The following PHF14 variants were observed in gnomAD, a reference collection of about 807,000 sequenced individuals.
The protein encoded by PHF14 is PHD finger protein 14.
PHF14 carries 55 observed loss-of-function variants against 117.9 expected under a neutral mutation model. The ratio of observed to expected loss-of-function variants is 0.47; its 90% CI spans 0.38 to 0.58. The LOEUF (loss-of-function observed/expected upper bound fraction) is 0.58, where lower values mean the gene tolerates loss of function less well. Among genes scored for constraint, PHF14 ranks in the 20% least tolerant of loss-of-function variants. The pLI is 0.00. For synonymous variants in PHF14, 409 were observed against 368.6 expected, an observed-to-expected ratio of 1.11 and a Z score of -1.26; for missense variants, 978 against 1,122.2, an observed-to-expected ratio of 0.87 and a Z score of 1.84.
At chr7:11,039,296 C>T (rs1287618831) in intron 11 of PHF14, among the ~76,000 whole-genome samples, 1 of 151,036 alleles carries the variant, frequency 6.6e-6, no homozygotes, top group Non-Finnish European at 1.5e-5. Flanking sequence ...TAGAGATATT[C>T]ATTTTTATGT....
chr7:11,012,941 G>A (rs1783403016), intron 4 of PHF14, among the ~76,000 whole-genome samples: 1 of 152,028 alleles, frequency 6.6e-6, no homozygotes. Flanking sequence ...TATAGCTTTA[G>A]GTGCATAACT....
In PHF14 at chr7:11,035,654, A is replaced by C; in HGVS notation, c.1470A>C (p.Pro490=). The C allele has an allele frequency of 6.2e-7, 1 of 1,609,522 alleles. No individual in the cohort carries two copies. The highest frequency in any genetic ancestry group is 2.2e-5 in the East Asian group (1 of 44,772). Residue 490 remains proline, a synonymous_variant, in exon 8 of 18, where the codon CCA becomes CCC. Transcript: ENST00000634607. ...TCTTTGTATAGGATATAGCAGATCC[A>C]TTCTTTGCTTATTGTAAGCAACATG... ...EAAAEEDIAD[P]FFAYCKQHAD... is the part of the protein sequence containing the mutation.
At chr7:11,166,928 A>C (rs1789218470) in intron 17 of PHF14, among the ~76,000 whole-genome samples, 1 of 152,206 alleles carries the variant, frequency 6.6e-6, no homozygotes, top group Non-Finnish European at 1.5e-5. Flanking sequence ...AGAAAAATTC[A>C]ACAACAAAAA....
At chr7:11,137,557 C>T (rs922101943) in intron 17 of PHF14, among the ~76,000 whole-genome samples, 1 of 145,622 alleles carries the variant, frequency 6.9e-6, no homozygotes, top group Admixed American at 6.8e-5. Flanking sequence ...TAAAGTTAAA[C>T]ATTAATCACT....
At chr7:11,067,690 C>A (rs892624401) in intron 16 of PHF14, among the ~76,000 whole-genome samples, 1 of 152,090 alleles carries the variant, frequency 6.6e-6, no homozygotes, top group African/African-American at 2.4e-5. Context: ...TTATTTGGCT[C>A]ACAATTCTCA....
rs749842219 is a variant in PHF14, at chr7:11,036,702, C to T, written c.1873+14C>T. 15 of 1,601,102 alleles carry T rather than the reference C, an allele frequency of 9.4e-6. No homozygotes were observed. The Admixed American group carries it at 1.5e-4, about 16-fold the overall frequency. On this transcript the variant is annotated intron_variant, in intron 9 of 17. Coordinates refer to ENST00000634607, the MANE Select transcript of PHF14 (RefSeq NM_001007157.2). ...ATTATTATTTTGGTCAGTATAGACACTGGTACATGCACATTTTCACTGAGA... is the reference window on the plus strand; with the variant it reads ...ATTATTATTTTGGTCAGTATAGACATTGGTACATGCACATTTTCACTGAGA...
At chr7:11,093,548 TC>T (rs2128339387) in intron 16 of PHF14, among the ~76,000 whole-genome samples, 1 of 152,322 alleles carries the variant, frequency 6.6e-6, no homozygotes, top group Non-Finnish European at 1.5e-5. Context: ...TCATTTGTAC[TC>T]CCCTGTTAAA....
intron 17 of PHF14, among the ~76,000 whole-genome samples, chr7:11,124,741 TATTAAAA>T (rs1787869225): frequency 6.6e-6 from 1 of 152,154 alleles, no homozygotes; most frequent in Non-Finnish European, 1.5e-5. Flanking sequence ...AGATTTTATA[TATTAAAA>T]TAGGTATTTT....
chr7:11,002,513 A>G (rs991801398), intron 4 of PHF14, among the ~76,000 whole-genome samples: 1 of 151,996 alleles, frequency 6.6e-6, no homozygotes, highest in African/African-American at 2.4e-5. Flanking sequence ...ATCTCGACTC[A>G]CTGCAACCTC....
At chr7:11,107,739 T>C (rs907136137) in intron 16 of PHF14, 25 of 825,810 alleles carry the variant, frequency 3.0e-5, no homozygotes, top group Non-Finnish European at 3.7e-5. Context: ...TATATTGTGT[T>C]ATATCCCTAT....
chr7:11,118,250 A>C (rs1362449258), intron 17 of PHF14, among the ~76,000 whole-genome samples: 1 of 151,902 alleles, frequency 6.6e-6, no homozygotes, highest in African/African-American at 2.4e-5. Context: ...GGTTATCCTC[A>C]AAGATGGTTT....
intron 2 of PHF14, among the ~76,000 whole-genome samples, chr7:10,979,470 G>T (rs1418947264): frequency 6.6e-6 from 1 of 151,444 alleles, no homozygotes; most frequent in Non-Finnish European, 1.5e-5. Context: ...ACGTAAGAAA[G>T]GTTTATTGTA....
At chr7:11,014,577 G>A (rs1046788615) in intron 5 of PHF14, among the ~76,000 whole-genome samples, 2 of 152,054 alleles carry the variant, frequency 1.3e-5, no homozygotes, top group African/African-American at 4.8e-5. Context: ...GGTCACTGAG[G>A]GACTGTGTAT....
chr7:11,138,522 A>G (rs1324753297), intron 17 of PHF14, among the ~76,000 whole-genome samples: 1 of 152,272 alleles, frequency 6.6e-6, no homozygotes, highest in Non-Finnish European at 1.5e-5. Context: ...CTACTAAATT[A>G]GGAAGTAAAC....
chr7:11,004,246 C>CAAAAAAAAAAAAA (rs55917513), intron 4 of PHF14, among the ~76,000 whole-genome samples: 5 of 51,250 alleles, frequency 9.8e-5, no homozygotes, highest in Non-Finnish European at 1.2e-4. Context: ...GACTTTGTCT[C>CAAAAAAAAAAAAA]AAAAAAAAAA....
At chr7:11,021,045 C>T (rs940034593) in intron 5 of PHF14, among the ~76,000 whole-genome samples, 2 of 152,208 alleles carry the variant, frequency 1.3e-5, no homozygotes, top group African/African-American at 4.8e-5. Flanking sequence ...TGATACAGAG[C>T]ACTTCAAACT....
chr7:11,028,533 C>T (rs1017532855), intron 6 of PHF14, 148 bp from the exon 7 acceptor site: 12 of 675,154 alleles, frequency 1.8e-5, no homozygotes, highest in African/African-American at 7.5e-5. Flanking sequence ...ACTCTTGGCT[C>T]GCCTATGATT....
At chr7:11,088,733 C>T (rs1786522087) in intron 16 of PHF14, among the ~76,000 whole-genome samples, 1 of 151,952 alleles carries the variant, frequency 6.6e-6, no homozygotes, top group African/African-American at 2.4e-5. Context: ...AAATTATTCC[C>T]ACCGTAAATA....
At chr7:11,157,639 T>A (rs191247741) in intron 17 of PHF14, among the ~76,000 whole-genome samples, 7 of 152,286 alleles carry the variant, frequency 4.6e-5, no homozygotes, top group Non-Finnish European at 8.8e-5. Flanking sequence ...TCATATTACA[T>A]TTTTACCATA....
Sources: gnomAD v4.1 joint callset for allele counts (sites outside exome capture counted in the v4.1 genomes callset) on GRCh38, gnomAD v4.1.1 for gene constraint, MANE v1.5 for transcripts, NCBI Gene and HGNC (gene_info 2026-07-23, HGNC 2026-07-21) for gene names.